ADAMTS7: variants seen among roughly 807,000 people sequenced by gnomAD.
ADAMTS7 encodes the protein A disintegrin and metalloproteinase with thrombospondin motifs 7.
A neutral mutation model predicts 172.6 loss-of-function variants in ADAMTS7; 89 were observed. The observed-to-expected ratio is 0.52, with a 90% CI of 0.43 to 0.61. The LOEUF is 0.61. Among genes scored for constraint, ADAMTS7 ranks in the 20% least tolerant of loss-of-function variants. The pLI is 0.00. For missense variants in ADAMTS7, 1,973 were observed against 2,355.6 expected, an observed-to-expected ratio of 0.84 and a Z score of 3.36; for synonymous variants, 885 against 978.4, an observed-to-expected ratio of 0.90 and a Z score of 1.78.
rs988182142 is a variant in ADAMTS7, at chr15:78,811,234, C to T, written c.-14G>A. ...GCCGCCGGGCATGGCAGGAACCGGGCGGCCGCCGGGTGACCCCGCGCGCAC... is the reference window on the plus strand; with the variant it reads ...GCCGCCGGGCATGGCAGGAACCGGGTGGCCGCCGGGTGACCCCGCGCGCAC... On this transcript the variant is annotated 5_prime_UTR_variant, in exon 1 of 24. Coordinates refer to ENST00000388820, the MANE Select transcript of ADAMTS7 (RefSeq NM_014272.5). The T allele has an allele frequency of 4.5e-5, 55 of 1,225,844 alleles. No individual in the cohort carries two copies. In the East Asian group the frequency reaches 7.4e-4, roughly 16 times the overall value. 75.9% of individuals were successfully genotyped at this position (1,225,844 alleles called of 1,614,324 possible).
intron 4 of ADAMTS7, among the ~76,000 whole-genome samples, chr15:78,793,228 G>C (rs2055603987): frequency 6.6e-6 from 1 of 152,160 alleles, no homozygotes; most frequent in Non-Finnish European, 1.5e-5. Context: ...AGGTTTCGCT[G>C]CTTCAAAGCC....
Position 78,759,399 on chromosome 15 carries a change from C to T in ADAMTS7, c.*22G>A, listed in dbSNP as rs555755312. ...GTGGTGGGCACTGAGGTCTGTCGGT[C>T]GGTCTGTGCATCCTGGCGCAGTCAG... On this transcript the variant is annotated 3_prime_UTR_variant, in exon 24 of 24. Coordinates refer to ENST00000388820, the MANE Select transcript of ADAMTS7 (RefSeq NM_014272.5). 3.1e-5 allele frequency: 49 copies of T among 1,572,622 alleles called. No homozygotes were observed. Among genetic ancestry groups the T allele is most frequent in the East Asian group, 2.5e-4 (11 of 44,050 alleles).
At chr15:78,784,984 G>T (rs1338188137) in intron 8 of ADAMTS7, among the ~76,000 whole-genome samples, 1 of 150,962 alleles carries the variant, frequency 6.6e-6, no homozygotes, top group East Asian at 1.9e-4. Context: ...AAAAAAAAAG[G>T]TACCTCCCCA....
At chr15:78,777,747 T>C (rs58698531) in intron 8 of ADAMTS7, among the ~76,000 whole-genome samples, 159 bp from the exon 9 acceptor site, 7,933 of 151,410 alleles carry the variant, frequency 0.052, 547 homozygotes, top group African/African-American at 0.16. Context: ...ATCCTCCACC[T>C]GCAGCCAGCA....
intron 8 of ADAMTS7, among the ~76,000 whole-genome samples, chr15:78,783,995 A>G (rs1468350581): frequency 6.6e-6 from 1 of 152,178 alleles, no homozygotes; most frequent in African/African-American, 2.4e-5. Context: ...AAAGTTTAAG[A>G]AATTAAAAGT....
At position 78,766,571 on chromosome 15, in the gene ADAMTS7, T is replaced by C; in HGVS notation, c.3340A>G (p.Thr1114Ala). The change falls in exon 19 of 24, where the codon ACA (threonine) becomes GCA (alanine). Residue 1114 changes from threonine (T) to alanine (A), a missense_variant. Physicochemically the swap from Thr to Ala is moderately conservative, Grantham distance 58. This residue lies in a region of ADAMTS7 where 771 missense variants were observed against 952.6 expected (regional missense o/e 0.81). Coordinates refer to ENST00000388820, the MANE Select transcript of ADAMTS7 (RefSeq NM_014272.5). Reference protein sequence around the residue: ...APSTGSPVPATEPPAAKEEGV... With the variant: ...APSTGSPVPAAEPPAAKEEGV... The stretch of plus-strand genomic sequence containing the variant: ...TCCTCCTTGGCTGCAGGAGGCTCTG[T>C]GGCAGGCACGGGGCTACCCGTGGAG... The C allele has an allele frequency of 6.2e-7, 1 of 1,603,636 alleles. No homozygotes were observed. The highest frequency in any genetic ancestry group is 8.5e-7 in the Non-Finnish European group (1 of 1,176,394).
chr15:78,791,105 A>G (rs2055574548), intron 5 of ADAMTS7, 35 bp downstream of exon 5: 1 of 1,600,206 alleles, frequency 6.2e-7, no homozygotes, highest in East Asian at 2.2e-5. Context: ...AGCCGAAGCC[A>G]TTGCCGGGCA....
At position 78,774,654 on chromosome 15, in the gene ADAMTS7, G is replaced by A; in HGVS notation, c.1846C>T (p.Leu616=). 6.2e-7 allele frequency: 1 copy of A among 1,611,754 alleles called. No individual in the cohort carries two copies. Among genetic ancestry groups the A allele is most frequent in the Non-Finnish European group, 8.5e-7 (1 of 1,179,826 alleles). Residue 616 remains leucine, a synonymous_variant, in exon 12 of 24, where the codon CTG becomes TTG. Coordinates refer to ENST00000388820, the MANE Select transcript of ADAMTS7 (RefSeq NM_014272.5). ...TTGACCACGGGCACCCATGTGTGCA[G>A]CTGGCCCTTGTAGAGCATAGCGTCA... The part of the protein sequence containing the change: ...HFDAMLYKGQ[L]HTWVPVVNDV...
intron 16 of ADAMTS7, among the ~76,000 whole-genome samples, chr15:78,769,594 T>C (rs2055213542): frequency 6.6e-6 from 1 of 152,126 alleles, no homozygotes; most frequent in African/African-American, 2.4e-5. Flanking sequence ...GAGGACACCA[T>C]CTGTGGCAAG....
At chr15:78,796,471 T>C (rs758066465) in intron 4 of ADAMTS7, 119 bp downstream of exon 4, 140 of 1,167,742 alleles carry the variant, frequency 1.2e-4, no homozygotes, top group Non-Finnish European at 1.5e-4. Context: ...TTCTTCCTAC[T>C]TGGGGCCTAG....
chr15:78,767,373 A>G lies in ADAMTS7; in HGVS notation c.2859+6T>C. The G allele has an allele frequency of 6.2e-7, 1 of 1,611,380 alleles. No individual in the cohort carries two copies. The highest frequency in any genetic ancestry group is 8.5e-7 in the Non-Finnish European group (1 of 1,179,708). On this transcript the variant is annotated splice_donor_region_variant and intron_variant, in intron 18 of 23. Transcript: ENST00000388820. ...GGAGGCGGGCCCCTTCCCATCCCACACTCACCTGAGACCAGTTCCCCACAG... is the reference window on the plus strand; with the variant it reads ...GGAGGCGGGCCCCTTCCCATCCCACGCTCACCTGAGACCAGTTCCCCACAG...
At chr15:78,792,838 A>C (rs1485506805) in intron 4 of ADAMTS7, among the ~76,000 whole-genome samples, 1 of 152,084 alleles carries the variant, frequency 6.6e-6, no homozygotes, top group Non-Finnish European at 1.5e-5. Flanking sequence ...AAAGAAAGAG[A>C]GAAAGAGAGA....
intron 1 of ADAMTS7, chr15:78,810,496 C>T: frequency 6.6e-6 from 1 of 152,444 alleles, no homozygotes; most frequent in Non-Finnish European, 1.5e-5. Flanking sequence ...TAACCCATGG[C>T]CGGGAAAAGA....
intron 23 of ADAMTS7, among the ~76,000 whole-genome samples, chr15:78,761,759 T>C (rs927930313): frequency 7.2e-5 from 11 of 151,852 alleles, no homozygotes; most frequent in East Asian, 3.9e-4. Flanking sequence ...TGTGTGTGTG[T>C]GCGCGCACGC....
chr15:78,806,113 CACACACACACACACAAAAAAAAAAAAAAA>C (rs1567245605), intron 1 of ADAMTS7, among the ~76,000 whole-genome samples: 262 of 15,550 alleles, frequency 0.017, 5 homozygotes, highest in African/African-American at 0.035. Flanking sequence ...CACACACACA[CACACACACACACACAAAAAAAAAAAAAAA>C]AAAAAAAAAA....
chr15:78,784,201 T>A (rs1038838080), intron 8 of ADAMTS7, among the ~76,000 whole-genome samples: 1 of 151,282 alleles, frequency 6.6e-6, no homozygotes, highest in Non-Finnish European at 1.5e-5. Flanking sequence ...CTAGAAAAAA[T>A]TAAAAATTAA....
At chr15:78,765,501 C>A (rs2055124378) in intron 19 of ADAMTS7, 144 bp downstream of exon 19, 9 of 1,371,574 alleles carry the variant, frequency 6.6e-6, no homozygotes, top group Non-Finnish European at 7.9e-6. Flanking sequence ...CCCGGGGTCC[C>A]CTCATCCCCC....
At chr15:78,789,460 C>T (rs2055549050) in intron 7 of ADAMTS7, among the ~76,000 whole-genome samples, 2 of 152,238 alleles carry the variant, frequency 1.3e-5, no homozygotes, top group African/African-American at 4.8e-5. Flanking sequence ...AAGACTCCCT[C>T]CAGGCCAGTC....
At position 78,776,845 on chromosome 15, in the gene ADAMTS7, C is replaced by T. The variant is rs145673455; in HGVS notation, c.1468-4G>A. The T allele has an allele frequency of 0.078, 120,106 of 1,538,542 alleles. 5,324 individuals carry two copies. The highest frequency in any genetic ancestry group is 0.092 in the Non-Finnish European group (105,375 of 1,139,276). On this transcript the variant is annotated splice_polypyrimidine_tract_variant and splice_region_variant and intron_variant, in intron 9 of 23. Transcript: ENST00000388820. ...ACCAGAGTGTGTGGCAGACATTCTG[C>T]GAGGAGGAGGGCATGGGCCATACCC... is the stretch of plus-strand genomic sequence containing the variant.
Sources: allele counts gnomAD v4.1 joint callset (sites outside exome capture counted in the v4.1 genomes callset), GRCh38; gene constraint gnomAD v4.1.1; regional missense constraint gnomAD v4.1.1; transcripts MANE v1.5; gene names NCBI Gene and HGNC (gene_info 2026-07-23, HGNC 2026-07-21).